RERE: variants seen among roughly 807,000 people sequenced by gnomAD.
RERE encodes the protein arginine-glutamic acid dipeptide repeats protein.
RERE carries 40 observed loss-of-function variants against 146.1 expected under a neutral mutation model. The observed-to-expected ratio is 0.27, with a 90% CI of 0.21 to 0.36. The LOEUF is 0.36. RERE is among the 10% of genes least tolerant of loss of function. The pLI is 1.00. For missense variants in RERE, 1,933 were observed against 2,138.7 expected (o/e 0.90, Z 1.90); for synonymous variants, 1,003 against 866.0 (o/e 1.16, Z -2.78).
At chr1:8,467,037 A>T (rs1291314832) in intron 10 of RERE, among the ~76,000 whole-genome samples, 3 of 152,206 alleles carry the variant, frequency 2.0e-5, no homozygotes, top group Non-Finnish European at 4.4e-5. Flanking sequence ...TTTGTCTAAG[A>T]CTTGCATCTC....
chr1:8,389,703 G>T (rs1642814690), intron 12 of RERE, among the ~76,000 whole-genome samples: 1 of 152,342 alleles, frequency 6.6e-6, no homozygotes, highest in Non-Finnish European at 1.5e-5. Flanking sequence ...ACCACGGAAG[G>T]TCGCATGGAG....
chr1:8,575,534 A>AATATATATATATATATAT (rs67724601), intron 4 of RERE, among the ~76,000 whole-genome samples: 5 of 114,072 alleles, frequency 4.4e-5, no homozygotes, highest in African/African-American at 1.4e-4. Flanking sequence ...TGGCTAATTT[A>AATATATATATATATATAT]ATATATATAT....
chr1:8,496,116 T>C (rs1050755686), intron 9 of RERE, among the ~76,000 whole-genome samples: 3 of 148,786 alleles, frequency 2.0e-5, no homozygotes, highest in Non-Finnish European at 4.4e-5. Flanking sequence ...TGAGTCATGA[T>C]TATGCCACTG....
chr1:8,670,930 G>A (rs1249446709), intron 1 of RERE, among the ~76,000 whole-genome samples: 1 of 152,184 alleles, frequency 6.6e-6, no homozygotes, highest in Non-Finnish European at 1.5e-5. Context: ...TTAAGCAGTG[G>A]TCAGATTCTA....
chr1:8,500,984 G>A (rs527972436), intron 8 of RERE, among the ~76,000 whole-genome samples: 274 of 136,676 alleles, frequency 2.0e-3, no homozygotes, highest in Non-Finnish European at 3.3e-3. Flanking sequence ...CAGCCACCCC[G>A]TCTGGGAAGT....
Position 8,358,487 on chromosome 1 carries a change from G to A in RERE, c.4048C>T (p.His1350Tyr), listed in dbSNP as rs2124359822. The A allele has an allele frequency of 1.3e-6, 2 of 1,587,540 alleles. No individual in the cohort carries two copies. Among genetic ancestry groups the A allele is most frequent in the South Asian group, 1.1e-5 (1 of 87,512 alleles). The change falls in exon 20 of 23, where the codon CAC (histidine) becomes TAC (tyrosine). Residue 1350 changes from histidine (H) to tyrosine (Y), a missense_variant. His to Tyr is a moderately conservative substitution (Grantham distance 83). Coordinates refer to ENST00000400908, the MANE Select transcript of RERE (RefSeq NM_001042681.2). ...GTCGGGGGGATGGTGAGGGCGCTGT[G>A]CCGGGCAAAGTGCTCCATGGGGTTG... is the stretch of plus-strand genomic sequence containing the variant. ...AANPMEHFAR[H>Y]SALTIPPTAG...
At chr1:8,742,854 T>A (rs1405279979) in intron 1 of RERE, among the ~76,000 whole-genome samples, 2 of 140,070 alleles carry the variant, frequency 1.4e-5, no homozygotes, top group Non-Finnish European at 3.0e-5. Context: ...GGTGACAGAG[T>A]GAGATCCTGT....
intron 4 of RERE, among the ~76,000 whole-genome samples, chr1:8,591,502 A>G (rs1332543390): frequency 1.3e-5 from 2 of 152,168 alleles, no homozygotes; most frequent in Non-Finnish European, 2.9e-5. Flanking sequence ...CCTATTTTCA[A>G]TGCAAAATGC....
intron 1 of RERE, among the ~76,000 whole-genome samples, chr1:8,720,266 T>C (rs1399366953): frequency 7.4e-6 from 1 of 135,844 alleles, no homozygotes; most frequent in Non-Finnish European, 1.6e-5. Flanking sequence ...CAAGACTCCA[T>C]CTCAAAAAAA....
chr1:8,406,887 C>T (rs1343924239), intron 12 of RERE, among the ~76,000 whole-genome samples: 1 of 152,150 alleles, frequency 6.6e-6, no homozygotes, highest in Non-Finnish European at 1.5e-5. Flanking sequence ...GCTCATACAA[C>T]TTTGTGGAGG....
At chr1:8,688,169 G>A (rs911581907) in intron 1 of RERE, among the ~76,000 whole-genome samples, 7 of 152,164 alleles carry the variant, frequency 4.6e-5, no homozygotes, top group African/African-American at 1.2e-4. Flanking sequence ...AGGGCACAGC[G>A]ACTAACGCCT....
Position 8,356,364 on chromosome 1 carries a change from C to CTGGA in RERE, c.4340-122_4340-119dup. ...CCAGGATGGCTCCTGGTCACCAGGG[C>CTGGA]TGGATGCACCACCTGGCTACAGGTG... On this transcript the variant is annotated intron_variant, in intron 20 of 22. Coordinates refer to ENST00000400908, the MANE Select transcript of RERE (RefSeq NM_001042681.2). This position sits in a 1 kb window ranked among gnomAD's most constrained non-coding sequence, Gnocchi z 5.2. 1 of 1,175,044 alleles carries CTGGA rather than the reference C, an allele frequency of 8.5e-7. No homozygotes were observed. Among genetic ancestry groups the CTGGA allele is most frequent in the African/African-American group, 1.6e-5 (1 of 61,562 alleles). The allele number at this position is 1,175,044 out of a possible 1,614,324, so 72.8% of individuals were successfully genotyped here. A position where few individuals can be genotyped will look rare whatever the true frequency, so the allele number is the denominator to read the frequency against.
At chr1:8,410,612 G>C (rs954203019) in intron 12 of RERE, among the ~76,000 whole-genome samples, 3 of 152,228 alleles carry the variant, frequency 2.0e-5, no homozygotes, top group African/African-American at 7.2e-5. Flanking sequence ...GAAGATTCAG[G>C]TAGTGAGAAA....
At chr1:8,543,666 A>G (rs1216250969) in intron 6 of RERE, among the ~76,000 whole-genome samples, 6 of 152,208 alleles carry the variant, frequency 3.9e-5, no homozygotes, top group African/African-American at 1.4e-4. Context: ...GCTGTCCTGT[A>G]CATTGTAGGA....
intron 11 of RERE, among the ~76,000 whole-genome samples, chr1:8,447,881 G>C (rs1644341994): frequency 1.3e-5 from 2 of 152,302 alleles, no homozygotes; most frequent in East Asian, 3.9e-4. Context: ...CTCCTCACAG[G>C]GTAGTTCTGC....
At chr1:8,736,507 T>A (rs1031460681) in intron 1 of RERE, among the ~76,000 whole-genome samples, 3 of 152,150 alleles carry the variant, frequency 2.0e-5, no homozygotes, top group African/African-American at 7.2e-5. Flanking sequence ...GCGCCCGGCC[T>A]ATACTTGTTC....
intron 6 of RERE, among the ~76,000 whole-genome samples, chr1:8,552,692 CAG>C (rs1007554644): frequency 6.6e-6 from 1 of 152,248 alleles, no homozygotes; most frequent in Non-Finnish European, 1.5e-5. Context: ...AGAGAACAAA[CAG>C]AGACTGCTGG....
intron 4 of RERE, among the ~76,000 whole-genome samples, chr1:8,577,873 A>T (rs1245656042): frequency 1.3e-5 from 2 of 152,142 alleles, no homozygotes; most frequent in East Asian, 3.9e-4. Flanking sequence ...ATGGGCGATC[A>T]CCTGACGTCA....
chr1:8,536,128 A>G (rs1294180741), intron 7 of RERE, among the ~76,000 whole-genome samples: 1 of 148,498 alleles, frequency 6.7e-6, no homozygotes, highest in Non-Finnish European at 1.5e-5. Context: ...AAAATCAGAT[A>G]TTTTTCAATC....
Sources: gnomAD v4.1 joint callset for allele counts (sites outside exome capture counted in the v4.1 genomes callset) on GRCh38, gnomAD v4.1.1 for gene constraint, Gnocchi (gnomAD v3.1) non-coding constraint, MANE v1.5 for transcripts, NCBI Gene and HGNC (gene_info 2026-07-23, HGNC 2026-07-21) for gene names.